PDE4D: variants seen among roughly 807,000 people sequenced by gnomAD.
The protein encoded by PDE4D is phosphodiesterase 4D, also known as 3',5'-cyclic-AMP phosphodiesterase 4D.
Under a neutral mutation model 87.4 loss-of-function variants are expected in PDE4D, and 24 were observed. The ratio of observed to expected loss-of-function variants is 0.27; its 90% CI spans 0.20 to 0.39. PDE4D has a LOEUF of 0.39. Ranked by LOEUF, PDE4D falls within the 10% of genes least tolerant of loss-of-function variation. The pLI is 1.00. For missense variants in PDE4D, 714 were observed against 1,041.0 expected, an observed-to-expected ratio of 0.69 and a Z score of 4.32; for synonymous variants, 384 against 383.2, an observed-to-expected ratio of 1.00 and a Z score of -0.02.
At chr5:60,232,188 T>A (rs1391366391) in intron 1 of PDE4D, among the ~76,000 whole-genome samples, 1 of 151,930 alleles carries the variant, frequency 6.6e-6, no homozygotes, top group East Asian at 1.9e-4. Context: ...TTCTAAGCAA[T>A]TGCAATATAA....
At chr5:59,414,683 A>C (rs1047290735) in intron 1 of PDE4D, among the ~76,000 whole-genome samples, 2 of 152,236 alleles carry the variant, frequency 1.3e-5, no homozygotes, top group Non-Finnish European at 2.9e-5. Context: ...TCAAGAAACC[A>C]CTGTGCTCTG....
intron 2 of PDE4D, among the ~76,000 whole-genome samples, chr5:60,140,100 G>GT (rs1409611810): frequency 6.6e-6 from 1 of 151,970 alleles, no homozygotes; most frequent in African/African-American, 2.4e-5. Context: ...TTTTGGTCCT[G>GT]TAATTAAGTT....
chr5:59,872,140 G>T (rs886429466), intron 1 of PDE4D, among the ~76,000 whole-genome samples: 2 of 152,050 alleles, frequency 1.3e-5, no homozygotes, highest in African/African-American at 4.8e-5. Context: ...GAGAAGAAAG[G>T]CTAGAGATCA....
intron 1 of PDE4D, among the ~76,000 whole-genome samples, chr5:59,384,294 A>G (rs958806735): frequency 6.6e-5 from 10 of 152,178 alleles, no homozygotes; most frequent in Non-Finnish European, 1.5e-4. Flanking sequence ...CTCCACCCTC[A>G]GGACACATGT....
chr5:59,094,853 A>C (rs757074260), intron 5 of PDE4D, among the ~76,000 whole-genome samples: 4 of 152,116 alleles, frequency 2.6e-5, no homozygotes, highest in African/African-American at 4.8e-5. Context: ...TTGGATACTA[A>C]ATATAGAGAC....
chr5:59,021,393 G>C (rs1374332275), intron 6 of PDE4D, among the ~76,000 whole-genome samples: 2 of 152,104 alleles, frequency 1.3e-5, no homozygotes, highest in East Asian at 3.9e-4. Context: ...TGGGTATTGG[G>C]ATTTCAAAGG....
chr5:59,142,996 T>G (rs541345590), intron 5 of PDE4D, among the ~76,000 whole-genome samples: 86 of 152,348 alleles, frequency 5.6e-4, no homozygotes, highest in African/African-American at 1.9e-3. Flanking sequence ...TTTATATTCA[T>G]GAAAAATAAC....
chr5:59,762,664 G>GTTCA (rs1762254745), intron 1 of PDE4D, among the ~76,000 whole-genome samples: 3 of 135,666 alleles, frequency 2.2e-5, no homozygotes, highest in South Asian at 2.3e-4. Context: ...GTGTATATAG[G>GTTCA]TACGTATGTG....
intron 1 of PDE4D, chr5:60,459,948 T>TTCC: frequency 1.4e-6 from 1 of 740,246 alleles, no homozygotes; most frequent in Non-Finnish European, 2.5e-6. Context: ...CTTTTTATCC[T>TTCC]TCCTCCTCTT....
chr5:59,842,525 T>C (rs1395313208), intron 1 of PDE4D, among the ~76,000 whole-genome samples: 1 of 152,086 alleles, frequency 6.6e-6, no homozygotes, highest in African/African-American at 2.4e-5. Flanking sequence ...TACTTCCTCA[T>C]ATTTTAAGTG....
intron 1 of PDE4D, among the ~76,000 whole-genome samples, chr5:59,541,353 A>G (rs1376248406): frequency 1.3e-5 from 2 of 152,234 alleles, no homozygotes; most frequent in Non-Finnish European, 2.9e-5. Flanking sequence ...TTTATAAATG[A>G]AGAAAATTAA....
At chr5:59,259,520 T>C (rs1304870726) in intron 1 of PDE4D, among the ~76,000 whole-genome samples, 2 of 151,910 alleles carry the variant, frequency 1.3e-5, no homozygotes, top group South Asian at 2.1e-4. Context: ...AACTTTTACA[T>C]GGAACAAAAA....
intron 5 of PDE4D, among the ~76,000 whole-genome samples, chr5:59,152,128 C>T (rs1296232606): frequency 1.3e-5 from 2 of 152,128 alleles, no homozygotes; most frequent in African/African-American, 4.8e-5. Context: ...GACCATGGGA[C>T]ATATCCCTAA....
intron 1 of PDE4D, among the ~76,000 whole-genome samples, chr5:59,832,620 C>G (rs541911533): frequency 6.6e-6 from 1 of 152,010 alleles, no homozygotes; most frequent in South Asian, 2.1e-4. Flanking sequence ...ACAATGATTC[C>G]TAAAATTAGA....
At chr5:60,139,418 A>G (rs1463062476) in intron 2 of PDE4D, among the ~76,000 whole-genome samples, 1 of 152,160 alleles carries the variant, frequency 6.6e-6, no homozygotes, top group Admixed American at 6.6e-5. Context: ...CATATACAGT[A>G]GTTTCAATGA....
intron 1 of PDE4D, among the ~76,000 whole-genome samples, chr5:60,422,642 G>A (rs931864627): frequency 2.0e-5 from 3 of 151,892 alleles, no homozygotes; most frequent in Admixed American, 2.0e-4. Flanking sequence ...TCAACTAATG[G>A]GCAAAATAAC....
At chr5:59,371,987 T>C (rs926382244) in intron 1 of PDE4D, among the ~76,000 whole-genome samples, 1 of 152,154 alleles carries the variant, frequency 6.6e-6, no homozygotes, top group Non-Finnish European at 1.5e-5. Flanking sequence ...AGGAGTGAAA[T>C]AAATGTATGT....
chr5:60,399,051 C>T (rs935899766), intron 1 of PDE4D, among the ~76,000 whole-genome samples: 19 of 152,150 alleles, frequency 1.2e-4, no homozygotes, highest in African/African-American at 4.3e-4. Flanking sequence ...GAGGAAAAGC[C>T]AAGTTTAAGC....
At chr5:59,306,357 T>A (rs984839884) in intron 1 of PDE4D, among the ~76,000 whole-genome samples, 3 of 152,236 alleles carry the variant, frequency 2.0e-5, no homozygotes, top group Non-Finnish European at 4.4e-5. Context: ...GTTCTGCATC[T>A]TTTAAGTGGA....
Sources: gnomAD v4.1 joint callset for allele counts (sites outside exome capture counted in the v4.1 genomes callset) on GRCh38, gnomAD v4.1.1 for gene constraint, MANE v1.5 for transcripts, NCBI Gene and HGNC (gene_info 2026-07-23, HGNC 2026-07-21) for gene names.